The following CDH12 variants were observed in gnomAD, a reference collection of about 807,000 sequenced individuals.
CDH12 encodes cadherin-12.
A neutral mutation model predicts 74.1 loss-of-function variants in CDH12; 41 were observed. The ratio of observed to expected loss-of-function variants is 0.55; its 90% confidence interval spans 0.43 to 0.72. CDH12 has a LOEUF of 0.72. Among genes scored for constraint, CDH12 ranks in the 30% least tolerant of loss-of-function variants. The pLI is 0.00. For missense variants in CDH12, 945 were observed against 977.2 expected, an observed-to-expected ratio of 0.97 and a Z score of 0.44; for synonymous variants, 399 against 355.0, an observed-to-expected ratio of 1.12 and a Z score of -1.39.
chr5:21,836,880 C>T (rs986507530), intron 8 of CDH12, among the ~76,000 whole-genome samples: 4 of 151,918 alleles, frequency 2.6e-5, no homozygotes, highest in Non-Finnish European at 5.9e-5. Flanking sequence ...TATATAACTT[C>T]AGTTACCGCT....
intron 1 of CDH12, among the ~76,000 whole-genome samples, chr5:22,792,916 A>G (rs1488611691): frequency 6.6e-6 from 1 of 152,208 alleles, no homozygotes; most frequent in Non-Finnish European, 1.5e-5. Flanking sequence ...TAAAGCAGTT[A>G]TAAAGTGTGA....
chr5:21,841,982 C>T (rs570632332), intron 8 of CDH12, among the ~76,000 whole-genome samples, 179 bp downstream of exon 8: 167 of 149,894 alleles, frequency 1.1e-3, no homozygotes, highest in African/African-American at 3.9e-3. Context: ...ACATTCTGCA[C>T]ATGTACCCTA....
At chr5:22,435,426 A>G (rs545441482) in intron 2 of CDH12, among the ~76,000 whole-genome samples, 2 of 151,668 alleles carry the variant, frequency 1.3e-5, no homozygotes, top group African/African-American at 2.4e-5. Context: ...ATATGTGTGT[A>G]TATATACGTA....
chr5:22,127,655 C>T (rs1745959956), intron 4 of CDH12, among the ~76,000 whole-genome samples: 1 of 152,132 alleles, frequency 6.6e-6, no homozygotes, highest in African/African-American at 2.4e-5. Context: ...GTGTCTTTTG[C>T]ATCACATTCT....
intron 1 of CDH12, among the ~76,000 whole-genome samples, chr5:22,688,864 T>C (rs1219118956): frequency 6.6e-6 from 1 of 152,168 alleles, no homozygotes; most frequent in African/African-American, 2.4e-5. Context: ...ACTGAGAATC[T>C]CACTCTTGAA....
At chr5:21,868,599 G>C (rs868613156) in intron 6 of CDH12, among the ~76,000 whole-genome samples, 7 of 152,212 alleles carry the variant, frequency 4.6e-5, no homozygotes, top group Admixed American at 2.0e-4. Context: ...GTTGGGCTTT[G>C]GACTTACTTG....
intron 3 of CDH12, among the ~76,000 whole-genome samples, chr5:22,291,007 C>T (rs1462681109): frequency 6.6e-6 from 1 of 152,034 alleles, no homozygotes; most frequent in African/African-American, 2.4e-5. Flanking sequence ...GTATATTTTA[C>T]AAATAATTTA....
At chr5:22,433,225 A>C (rs1482532923) in intron 2 of CDH12, among the ~76,000 whole-genome samples, 1 of 152,066 alleles carries the variant, frequency 6.6e-6, no homozygotes, top group Non-Finnish European at 1.5e-5. Context: ...ACTTTCCCGC[A>C]TTATTTATGC....
intron 6 of CDH12, among the ~76,000 whole-genome samples, chr5:21,868,484 G>T (rs2150015888): frequency 6.6e-6 from 1 of 152,298 alleles, no homozygotes; most frequent in East Asian, 1.9e-4. Flanking sequence ...ACCAAGCCCA[G>T]CAAAGTCATA....
intron 4 of CDH12, among the ~76,000 whole-genome samples, chr5:22,106,481 AT>A (rs1318598737): frequency 2.6e-5 from 4 of 152,174 alleles, no homozygotes; most frequent in African/African-American, 9.6e-5. Flanking sequence ...TAATAATGTT[AT>A]ATAATATAAC....
chr5:22,799,913 C>A, intron 1 of CDH12, among the ~76,000 whole-genome samples: 1 of 151,944 alleles, frequency 6.6e-6, no homozygotes, highest in Non-Finnish European at 1.5e-5. Flanking sequence ...TAGAAGATTG[C>A]CTCATAATAA....
chr5:22,059,953 A>G (rs1002314904), intron 5 of CDH12, among the ~76,000 whole-genome samples: 1 of 152,134 alleles, frequency 6.6e-6, no homozygotes, highest in African/African-American at 2.4e-5. Flanking sequence ...TTAGGTAAGA[A>G]AATATGTATG....
chr5:21,804,886 A>G (rs900561130), intron 9 of CDH12, among the ~76,000 whole-genome samples: 2 of 152,162 alleles, frequency 1.3e-5, no homozygotes, highest in African/African-American at 4.8e-5. Flanking sequence ...GTTAGAAGAT[A>G]TCGGAGAGAG....
chr5:21,997,135 G>T (rs542272658), intron 5 of CDH12, among the ~76,000 whole-genome samples: 2 of 151,994 alleles, frequency 1.3e-5, no homozygotes, highest in Non-Finnish European at 2.9e-5. Flanking sequence ...TAAACCTTGG[G>T]ATATTAAAGT....
chr5:21,898,473 C>T (rs944061451), intron 6 of CDH12, among the ~76,000 whole-genome samples: 4 of 151,924 alleles, frequency 2.6e-5, no homozygotes, highest in Non-Finnish European at 2.9e-5. Context: ...GAGGCTGAGG[C>T]GGGCGGATCA....
intron 3 of CDH12, among the ~76,000 whole-genome samples, chr5:22,236,087 CTTA>C (rs199767911): frequency 0.025 from 3,864 of 152,270 alleles, 69 homozygotes; most frequent in African/African-American, 0.052. Context: ...GTCTGCGGCA[CTTA>C]TTATGACTGG....
At chr5:22,002,899 A>G (rs753261990) in intron 5 of CDH12, among the ~76,000 whole-genome samples, 6 of 152,124 alleles carry the variant, frequency 3.9e-5, no homozygotes, top group Admixed American at 1.3e-4. Context: ...ATAAATATAA[A>G]TACTTTCTCA....
intron 1 of CDH12, among the ~76,000 whole-genome samples, chr5:22,768,917 A>G (rs1254836274): frequency 1.3e-5 from 2 of 152,188 alleles, no homozygotes; most frequent in African/African-American, 4.8e-5. Context: ...TCATTATTTT[A>G]TAGCAATATT....
intron 1 of CDH12, among the ~76,000 whole-genome samples, chr5:22,839,567 G>T (rs1736994138): frequency 6.6e-6 from 1 of 152,014 alleles, no homozygotes; most frequent in Non-Finnish European, 1.5e-5. Context: ...ATGTTGGCCA[G>T]GCTGGTCTTG....
Sources: allele counts gnomAD v4.1 joint callset (sites outside exome capture counted in the v4.1 genomes callset), GRCh38; gene constraint gnomAD v4.1.1; transcripts MANE v1.5; gene names NCBI Gene and HGNC (gene_info 2026-07-23, HGNC 2026-07-21).